COL13A1: variants seen among roughly 807,000 people sequenced by gnomAD.
COL13A1 encodes collagen type XIII alpha 1 chain.
A neutral mutation model predicts 130.9 loss-of-function variants in COL13A1; 89 were observed. The ratio of observed to expected loss-of-function variants is 0.68; its 90% CI spans 0.57 to 0.81. The LOEUF (loss-of-function observed/expected upper bound fraction) is 0.81. COL13A1 is among the 30% of genes least tolerant of loss of function. COL13A1 has a pLI of 0.00. For missense variants in COL13A1, 879 were observed against 934.6 expected (o/e 0.94, Z 0.78); for synonymous variants, 402 against 341.6 (o/e 1.18, Z -1.95).
chr10:69,904,107 A>C (rs1338749409), intron 15 of COL13A1, among the ~76,000 whole-genome samples: 10 of 152,260 alleles, frequency 6.6e-5, no homozygotes, highest in Non-Finnish European at 1.5e-4. Context: ...ACCAGTTTTT[A>C]GATGGGAAAA....
At chr10:69,924,034 A>G (rs1406243943) in intron 24 of COL13A1, among the ~76,000 whole-genome samples, 179 bp downstream of exon 24, 1 of 152,246 alleles carries the variant, frequency 6.6e-6, no homozygotes, top group Non-Finnish European at 1.5e-5. Flanking sequence ...GACAGCAGTC[A>G]TGCAAAAGCC....
chr10:69,869,226 G>A (rs2058823093), intron 3 of COL13A1, among the ~76,000 whole-genome samples: 1 of 152,236 alleles, frequency 6.6e-6, no homozygotes, highest in African/African-American at 2.4e-5. Context: ...ATGAGGTGGA[G>A]GGGATGAGTC....
intron 26 of COL13A1, chr10:69,926,080 A>C (rs2065313822): frequency 3.6e-6 from 2 of 553,124 alleles, no homozygotes; most frequent in African/African-American, 3.8e-5. Context: ...ACTGGCATCC[A>C]GGTGGCCGGG....
chr10:69,842,636 T>C (rs1851909864), intron 2 of COL13A1, among the ~76,000 whole-genome samples: 1 of 152,208 alleles, frequency 6.6e-6, no homozygotes, highest in African/African-American at 2.4e-5. Flanking sequence ...GGGCATTTGG[T>C]ACAACTGTGC....
At chr10:69,905,072 G>A in intron 16 of COL13A1, 113 bp downstream of exon 16, 1 of 1,239,472 alleles carries the variant, frequency 8.1e-7, no homozygotes, top group East Asian at 2.5e-5. Context: ...TCTCAGCTGA[G>A]AGACAGATCA....
At chr10:69,883,154 G>T (rs1052141844) in intron 7 of COL13A1, among the ~76,000 whole-genome samples, 1 of 152,224 alleles carries the variant, frequency 6.6e-6, no homozygotes, top group Non-Finnish European at 1.5e-5. Context: ...GCACTTTGGA[G>T]GAGGGTTCAC....
chr10:69,935,523 T>C (rs2066714029), intron 32 of COL13A1, 132 bp downstream of exon 32: 4 of 649,844 alleles, frequency 6.2e-6, no homozygotes, highest in Non-Finnish European at 2.6e-6. Context: ...TACAAACCCC[T>C]CCCCGCTCCT....
chr10:69,877,726 CACACACACACA>C, intron 5 of COL13A1: 2 of 411,848 alleles, frequency 4.9e-6, no homozygotes, highest in South Asian at 3.2e-5. Flanking sequence ...CACACACACA[CACACACACACA>C]CACACACACG....
chr10:69,904,943 G>A lies in COL13A1; in HGVS notation c.869G>A (p.Gly290Glu). Residue 290 changes from glycine (G) to glutamate (E), a missense_variant, in exon 16 of 41, where the codon GGG (glycine) becomes GAG (glutamate). By Grantham distance (98) the Gly-to-Glu change is moderately conservative. Around this residue, in one of 3 missense-constraint regions of COL13A1, gnomAD observed 715 missense variants for 721.0 expected, o/e 0.99. Coordinates refer to ENST00000645393, the MANE Select transcript of COL13A1 (RefSeq NM_001368882.1). The stretch of plus-strand genomic sequence containing the variant: ...TTTTTGCTTCCACAGGGCTTACCTG[G>A]GCCTCCTGGACCAAAGGTGAGTGTC... ...PGPMGPPGLP[G>E]PPGPKGDPGI... The A allele has an allele frequency of 6.4e-7, 1 of 1,550,874 alleles. No homozygotes were observed. The highest frequency in any genetic ancestry group is 8.7e-7 in the Non-Finnish European group (1 of 1,148,224).
rs78749333 is a variant in COL13A1 at position 69,922,479 on chromosome 10, G to A, written c.1144-229G>A. ...CCGTGGAATACACTTTGAGAAACACGGCTCCAGACCCAGTTTTGAAGGATC... is the reference window on the plus strand; with the variant it reads ...CCGTGGAATACACTTTGAGAAACACAGCTCCAGACCCAGTTTTGAAGGATC... On this transcript the variant is annotated intron_variant, in intron 22 of 40. Transcript: ENST00000645393. Among the ~76,000 whole-genome samples the A allele has an allele frequency of 7.9e-5, 12 of 152,260 alleles. No individual in the cohort carries two copies. The East Asian group carries it at 1.7e-3, about 22-fold the overall frequency.
At position 69,945,734 on chromosome 10, in the gene COL13A1, T is replaced by C; in HGVS notation, c.2022+10T>C. On this transcript the variant is annotated intron_variant, in intron 37 of 40. Coordinates refer to ENST00000645393, the MANE Select transcript of COL13A1 (RefSeq NM_001368882.1). Reference sequence around the variant, plus strand: ...AGCAGCTGGGCTTCCTGTGAGTCTCTTGGGATCAGAGGTTCCTCTCCTCCC... The same window carrying C: ...AGCAGCTGGGCTTCCTGTGAGTCTCCTGGGATCAGAGGTTCCTCTCCTCCC... 1.2e-6 allele frequency: 2 copies of C among 1,610,106 alleles called. No individual in the cohort carries two copies. Among genetic ancestry groups the C allele is most frequent in the Non-Finnish European group, 1.7e-6 (2 of 1,178,208 alleles).
intron 27 of COL13A1, among the ~76,000 whole-genome samples, chr10:69,928,548 A>G (rs879924415): frequency 2.0e-5 from 3 of 152,164 alleles, no homozygotes; most frequent in Non-Finnish European, 4.4e-5. Context: ...GCTGAGTAGT[A>G]TTTCATTGTA....
intron 3 of COL13A1, 133 bp downstream of exon 3, chr10:69,867,938 TCCC>T: frequency 1.5e-6 from 1 of 654,842 alleles, no homozygotes; most frequent in Non-Finnish European, 2.8e-6. Context: ...TCCTGAGGGG[TCCC>T]TCCAGAATGC....
At chr10:69,831,802 T>G (rs1209433990) in intron 2 of COL13A1, among the ~76,000 whole-genome samples, 14 of 152,092 alleles carry the variant, frequency 9.2e-5, no homozygotes, top group Non-Finnish European at 1.8e-4. Flanking sequence ...CAGTTACAGG[T>G]GTGGGCTCTG....
intron 14 of COL13A1, among the ~76,000 whole-genome samples, chr10:69,899,418 G>A (rs964905206): frequency 1.3e-5 from 2 of 152,198 alleles, no homozygotes; most frequent in African/African-American, 4.8e-5. Context: ...TTTGCCCAAG[G>A]TTATACTAAC....
At chr10:69,922,240 A>T (rs1177535285) in intron 22 of COL13A1, among the ~76,000 whole-genome samples, 1 of 126,000 alleles carries the variant, frequency 7.9e-6, no homozygotes, top group South Asian at 2.9e-4. Flanking sequence ...TTTAAAAATT[A>T]AAAAAAAAAA....
At chr10:69,872,026 A>C (rs1436217592) in intron 3 of COL13A1, 158 bp from the exon 4 acceptor site, 1 of 793,868 alleles carries the variant, frequency 1.3e-6, no homozygotes, top group African/African-American at 1.7e-5. Flanking sequence ...GAAGCTTTAT[A>C]AGCCTTAGCG....
chr10:69,942,486 G>A (rs900153674), intron 35 of COL13A1, among the ~76,000 whole-genome samples: 5 of 152,086 alleles, frequency 3.3e-5, no homozygotes, highest in Non-Finnish European at 5.9e-5. Flanking sequence ...TCCCTTTTAT[G>A]TTAGACCGAG....
At chr10:69,804,696 T>G (rs1466218361) in intron 1 of COL13A1, among the ~76,000 whole-genome samples, 1 of 151,056 alleles carries the variant, frequency 6.6e-6, no homozygotes, top group Non-Finnish European at 1.5e-5. Flanking sequence ...CAGAAAATGT[T>G]TACTGAGAGC....
Sources: gnomAD v4.1 joint callset for allele counts (sites outside exome capture counted in the v4.1 genomes callset) on GRCh38, gnomAD v4.1.1 for gene constraint, gnomAD v4.1.1 regional missense constraint, MANE v1.5 for transcripts, NCBI Gene and HGNC (gene_info 2026-07-23, HGNC 2026-07-21) for gene names.